Variants in PIAS1 observed in about 807,000 individuals in gnomAD.
PIAS1 encodes E3 SUMO-protein ligase PIAS1.
A neutral mutation model predicts 71.3 loss-of-function variants in PIAS1; 6 were observed. The observed-to-expected ratio is 0.08, with a 90% CI of 0.05 to 0.17. The LOEUF is 0.17. PIAS1 is among the 10% of genes least tolerant of loss of function. PIAS1 has a pLI of 1.00. For missense variants in PIAS1, 555 were observed against 793.6 expected, an observed-to-expected ratio of 0.70 and a Z score of 3.61; for synonymous variants, 303 against 292.9, an observed-to-expected ratio of 1.03 and a Z score of -0.35.
At chr15:68,111,323 A>T (rs1775658453) in intron 2 of PIAS1, among the ~76,000 whole-genome samples, 1 of 152,174 alleles carries the variant, frequency 6.6e-6, no homozygotes, top group African/African-American at 2.4e-5. Context: ...AGGCATCATG[A>T]CTAAAATAAT....
intron 2 of PIAS1, among the ~76,000 whole-genome samples, chr15:68,133,078 C>T (rs932137440): frequency 2.7e-5 from 4 of 150,334 alleles, no homozygotes; most frequent in Non-Finnish European, 5.9e-5. Flanking sequence ...TTAATATTGT[C>T]GTTGTCACTT....
intron 1 of PIAS1, among the ~76,000 whole-genome samples, chr15:68,056,314 T>C (rs931000622): frequency 6.6e-6 from 1 of 152,254 alleles, no homozygotes; most frequent in Non-Finnish European, 1.5e-5. Flanking sequence ...GCTGAGAGAT[T>C]TCCTTCTTTG....
chr15:68,117,670 G>T (rs1337675295), intron 2 of PIAS1, among the ~76,000 whole-genome samples: 2 of 152,086 alleles, frequency 1.3e-5, no homozygotes, highest in African/African-American at 4.8e-5. Flanking sequence ...TATCCGTGTT[G>T]CCACAAAAGA....
intron 1 of PIAS1, among the ~76,000 whole-genome samples, chr15:68,071,506 C>A (rs532809298): frequency 6.6e-6 from 1 of 150,526 alleles, no homozygotes; most frequent in African/African-American, 2.4e-5. Context: ...TGAGCCACTG[C>A]GCCTGGCCAG....
At chr15:68,164,220 AAAAG>A (rs1473144573) in intron 7 of PIAS1, among the ~76,000 whole-genome samples, 1 of 152,186 alleles carries the variant, frequency 6.6e-6, no homozygotes, top group African/African-American at 2.4e-5. Context: ...ATAGTTAAAA[AAAAG>A]AAATAGGACT....
chr15:68,081,685 G>T (rs928955440), intron 1 of PIAS1, among the ~76,000 whole-genome samples: 1 of 151,966 alleles, frequency 6.6e-6, no homozygotes, highest in Non-Finnish European at 1.5e-5. Flanking sequence ...CCAGAAGATA[G>T]AGCTAAAAGA....
At chr15:68,106,288 C>T (rs2092467943) in intron 2 of PIAS1, among the ~76,000 whole-genome samples, 1 of 142,874 alleles carries the variant, frequency 7.0e-6, no homozygotes, top group South Asian at 2.2e-4. Context: ...CTCACCTGCC[C>T]ATGAAGGCTA....
chr15:68,178,057 A>G lies in PIAS1; in HGVS notation c.1481+1403A>G, dbSNP rs2093030961. ...AGGTTTGACATTGTATGATGAGATT[A>G]AAGATTTCTATCAGTTTGAGACCAG... On this transcript the variant is annotated intron_variant, in intron 11 of 13. Transcript: ENST00000249636. The surrounding 1 kb of genome is among the most constrained non-coding windows in gnomAD (Gnocchi z 4.2). 6.6e-6 allele frequency among the ~76,000 whole-genome samples: 1 copy of G among 152,190 alleles called. No individual in the cohort carries two copies. The highest frequency in any genetic ancestry group is 1.5e-5 in the Non-Finnish European group (1 of 68,038).
At position 68,187,746 on chromosome 15, in the gene PIAS1, G is replaced by GA; in HGVS notation, c.1870dup (p.Ser624LysfsTer3). On this transcript the variant is annotated frameshift_variant, in exon 14 of 14. Transcript: ENST00000249636. LOFTEE classifies it high-confidence loss of function. This position sits in a 1 kb window ranked among gnomAD's most constrained non-coding sequence, Gnocchi z 5.3. Reference sequence around the variant, plus strand: ...CCTGGTTTCTTCCAACAGCCTAAGGGAAAGCCATAGCCACACCGTCACAAA... The same window carrying GA: ...CCTGGTTTCTTCCAACAGCCTAAGGGAAAAGCCATAGCCACACCGTCACAAA... 6.2e-7 allele frequency: 1 copy of GA among 1,613,962 alleles called. No individual in the cohort carries two copies. Among genetic ancestry groups the GA allele is most frequent in the Non-Finnish European group, 8.5e-7 (1 of 1,179,880 alleles).
At position 68,171,994 on chromosome 15, in the gene PIAS1, A is replaced by G. The variant is rs899474536; in HGVS notation, c.1009-1738A>G. 6.6e-5 allele frequency among the ~76,000 whole-genome samples: 10 copies of G among 152,058 alleles called. No individual in the cohort carries two copies. Among genetic ancestry groups the G allele is most frequent in the Non-Finnish European group, 1.2e-4 (8 of 68,028 alleles). ...CACAACGTGCAGGTATACATGTGCCATATTGGTTTGCTGCACCCGTTAACT... is the reference window on the plus strand; with the variant it reads ...CACAACGTGCAGGTATACATGTGCCGTATTGGTTTGCTGCACCCGTTAACT... On this transcript the variant is annotated intron_variant, in intron 8 of 13. Coordinates refer to ENST00000249636, the MANE Select transcript of PIAS1 (RefSeq NM_016166.3). The surrounding 1 kb of genome is among the most constrained non-coding windows in gnomAD (Gnocchi z 4.4).
chr15:68,108,410 T>A (rs73423756), intron 2 of PIAS1, among the ~76,000 whole-genome samples: 3,272 of 152,164 alleles, frequency 0.022, 105 homozygotes, highest in African/African-American at 0.076. Flanking sequence ...GATTCCACAC[T>A]CTCTTGATTT....
At chr15:68,160,435 A>G (rs373204695) in intron 7 of PIAS1, among the ~76,000 whole-genome samples, 23 of 152,280 alleles carry the variant, frequency 1.5e-4, no homozygotes, top group East Asian at 9.6e-4. Flanking sequence ...GTATAAATCT[A>G]TTTCCGGACG....
intron 4 of PIAS1, among the ~76,000 whole-genome samples, chr15:68,143,459 T>C (rs2092786226): frequency 6.6e-6 from 1 of 152,122 alleles, no homozygotes; most frequent in South Asian, 2.1e-4. Context: ...GATATGACTA[T>C]ACTTAATAAC....
At chr15:68,183,980 G>T (rs1352542777) in intron 13 of PIAS1, 3 of 176,446 alleles carry the variant, frequency 1.7e-5, no homozygotes, top group Non-Finnish European at 3.5e-5. Flanking sequence ...ATTTTTTATT[G>T]TTATTTTAGA....
chr15:68,116,149 T>G (rs1026006167), intron 2 of PIAS1, among the ~76,000 whole-genome samples: 1 of 152,160 alleles, frequency 6.6e-6, no homozygotes. Flanking sequence ...TCTTCAGTGT[T>G]TTGAAAACAT....
chr15:68,094,924 T>G (rs1245174472), intron 2 of PIAS1, among the ~76,000 whole-genome samples: 3 of 152,226 alleles, frequency 2.0e-5, no homozygotes, highest in African/African-American at 7.2e-5. Flanking sequence ...TTTTATCTGG[T>G]GATTTTAATG....
chr15:68,105,086 A>G (rs2141003048), intron 2 of PIAS1, among the ~76,000 whole-genome samples: 1 of 152,346 alleles, frequency 6.6e-6, no homozygotes, highest in Admixed American at 6.5e-5. Flanking sequence ...AGCTCAGCCA[A>G]GAGAGCTGAG....
At chr15:68,175,302 A>G (rs2141092133) in intron 9 of PIAS1, among the ~76,000 whole-genome samples, 1 of 152,326 alleles carries the variant, frequency 6.6e-6, no homozygotes, top group East Asian at 1.9e-4. Flanking sequence ...AATTTAGAAT[A>G]TGCAAAAAAG....
Position 68,187,536 on chromosome 15 carries a change from C to G in PIAS1, c.1663-6C>G, listed in dbSNP as rs746983947. On this transcript the variant is annotated splice_region_variant and splice_polypyrimidine_tract_variant and intron_variant, in intron 13 of 13. Transcript: ENST00000249636. The surrounding 1 kb of genome is among the most constrained non-coding windows in gnomAD (Gnocchi z 5.3). ...CATTTTTGTGTCTTTTGTTTCCCCT[C>G]CCTAGCATTACAACACCTCCTTGCT... is the stretch of plus-strand genomic sequence containing the variant. 1 of 1,611,466 alleles carries G rather than the reference C, an allele frequency of 6.2e-7. No homozygotes were observed. Among genetic ancestry groups the G allele is most frequent in the South Asian group, 1.1e-5 (1 of 91,036 alleles).
Sources: allele counts gnomAD v4.1 joint callset (sites outside exome capture counted in the v4.1 genomes callset), GRCh38; gene constraint gnomAD v4.1.1; non-coding constraint Gnocchi (gnomAD v3.1); transcripts MANE v1.5; gene names NCBI Gene and HGNC (gene_info 2026-07-23, HGNC 2026-07-21).